The following HCN1 variants were observed in gnomAD, a reference collection of about 807,000 sequenced individuals.
HCN1 encodes potassium/sodium hyperpolarization-activated cyclic nucleotide-gated channel 1.
Under a neutral mutation model 78.9 loss-of-function variants are expected in HCN1, and 13 were observed. The ratio of observed to expected loss-of-function variants is 0.16; its 90% confidence interval spans 0.11 to 0.26. The LOEUF is 0.26. Ranked by LOEUF, HCN1 falls within the 10% of genes least tolerant of loss-of-function variation. HCN1 has a pLI of 1.00. For missense variants in HCN1, 810 were observed against 1,154.3 expected (o/e 0.70, Z 4.32); for synonymous variants, 552 against 455.5 (o/e 1.21, Z -2.70).
intron 4 of HCN1, among the ~76,000 whole-genome samples, chr5:45,360,237 T>A (rs889022626): frequency 6.6e-6 from 1 of 151,738 alleles, no homozygotes; most frequent in Admixed American, 6.6e-5. Context: ...GTATAAATTT[T>A]ATATTCCAGT....
intron 2 of HCN1, among the ~76,000 whole-genome samples, chr5:45,540,449 C>A: frequency 6.6e-6 from 1 of 151,962 alleles, no homozygotes. Context: ...CCAGCTCAGC[C>A]TCCCAAGTAG....
At chr5:45,363,349 A>C (rs1747164011) in intron 4 of HCN1, among the ~76,000 whole-genome samples, 1 of 151,348 alleles carries the variant, frequency 6.6e-6, no homozygotes, top group Non-Finnish European at 1.5e-5. Context: ...CTAGAGTTGC[A>C]TGGTCTTCTG....
At position 45,578,555 on chromosome 5, in the gene HCN1, A is replaced by C. The variant is rs79091696; in HGVS notation, c.849+66630T>G. Among the ~76,000 whole-genome samples, 784 of 152,178 alleles carry C rather than the reference A, an allele frequency of 5.2e-3. 5 individuals are homozygous for C. Among genetic ancestry groups the C allele is most frequent in the African/African-American group, 0.018 (747 of 41,554 alleles). ...ACATCTACAGTGTCACACTGTCTTT[A>C]AGCCAATTTTAGAGATTGCATGACT... On this transcript the variant is annotated intron_variant, in intron 2 of 7. Coordinates refer to ENST00000303230, the MANE Select transcript of HCN1 (RefSeq NM_021072.4).
At chr5:45,532,484 G>A (rs1742874168) in intron 2 of HCN1, among the ~76,000 whole-genome samples, 1 of 152,112 alleles carries the variant, frequency 6.6e-6, no homozygotes, top group African/African-American at 2.4e-5. Flanking sequence ...TATAACATAA[G>A]AATCATTTAC....
intron 4 of HCN1, among the ~76,000 whole-genome samples, chr5:45,373,196 T>C (rs1369000621): frequency 5.7e-5 from 7 of 122,906 alleles, no homozygotes; most frequent in East Asian, 4.5e-4. Flanking sequence ...ATATGTATTT[T>C]ATATATTTTA....
In HCN1 at chr5:45,455,116, C is replaced by T. The variant is rs1271445831; in HGVS notation, c.1011+6730G>A. Among the ~76,000 whole-genome samples the T allele has an allele frequency of 3.9e-5, 6 of 152,112 alleles. No individual in the cohort carries two copies. The East Asian group carries it at 1.2e-3, about 29-fold the overall frequency. ...AATCCACACAGGGCTACTACTAGAA[C>T]ACCACTGGATGAGTTAGAAAACAGA... On this transcript the variant is annotated intron_variant, in intron 3 of 7. Transcript: ENST00000303230.
chr5:45,268,693 C>T (rs1387185831), intron 6 of HCN1, among the ~76,000 whole-genome samples: 1 of 152,156 alleles, frequency 6.6e-6, no homozygotes, highest in Non-Finnish European at 1.5e-5. Context: ...ATCAATTATG[C>T]TGTTGTTCTT....
intron 4 of HCN1, among the ~76,000 whole-genome samples, chr5:45,378,978 T>A (rs958623919): frequency 1.6e-4 from 24 of 152,248 alleles, no homozygotes; most frequent in African/African-American, 5.8e-4. Context: ...TGCATAGTAT[T>A]CCATGGTGTA....
intron 2 of HCN1, among the ~76,000 whole-genome samples, chr5:45,606,815 A>G (rs1744735255): frequency 6.6e-6 from 1 of 152,084 alleles, no homozygotes; most frequent in Non-Finnish European, 1.5e-5. Context: ...TGTAAAGTTA[A>G]GGAGGATAAA....
At chr5:45,384,387 A>G (rs1747873952) in intron 4 of HCN1, among the ~76,000 whole-genome samples, 1 of 152,182 alleles carries the variant, frequency 6.6e-6, no homozygotes, top group Non-Finnish European at 1.5e-5. Flanking sequence ...TTCAAAGTTC[A>G]TACTATTTTA....
chr5:45,468,273 T>C (rs754627792), intron 2 of HCN1, among the ~76,000 whole-genome samples: 7 of 152,034 alleles, frequency 4.6e-5, no homozygotes, highest in South Asian at 4.1e-4. Context: ...GTGAAGAAAA[T>C]AGTACTTTTC....
In HCN1 at chr5:45,598,259, C is replaced by T. The variant is rs532290174; in HGVS notation, c.849+46926G>A. Among the ~76,000 whole-genome samples, 91 of 152,192 alleles carry T rather than the reference C, an allele frequency of 6.0e-4. 1 individual carries two copies. The Middle Eastern group carries it at 0.014, about 23-fold the overall frequency. On this transcript the variant is annotated intron_variant, in intron 2 of 7. Coordinates refer to ENST00000303230, the MANE Select transcript of HCN1 (RefSeq NM_021072.4). ...CACAACAGAGGCCTCAGAAATAAGA[C>T]CACGCATCTACAATCATCTGATCTT...
chr5:45,462,251 G>T (rs1438131503), intron 2 of HCN1, among the ~76,000 whole-genome samples: 1 of 152,026 alleles, frequency 6.6e-6, no homozygotes, highest in African/African-American at 2.4e-5. Context: ...ATATATAAAT[G>T]TATGTATTAA....
At chr5:45,414,728 A>C (rs1003752436) in intron 3 of HCN1, among the ~76,000 whole-genome samples, 4 of 152,000 alleles carry the variant, frequency 2.6e-5, no homozygotes, top group Admixed American at 6.6e-5. Context: ...GACAATTAAA[A>C]ATAATCTTTC....
At chr5:45,316,968 T>C (rs1746006591) in intron 5 of HCN1, among the ~76,000 whole-genome samples, 1 of 152,146 alleles carries the variant, frequency 6.6e-6, no homozygotes, top group Non-Finnish European at 1.5e-5. Flanking sequence ...AGAATCAATA[T>C]TGTGTAAATG....
At chr5:45,667,546 G>C (rs1267639413) in intron 1 of HCN1, among the ~76,000 whole-genome samples, 1 of 152,072 alleles carries the variant, frequency 6.6e-6, no homozygotes, top group Non-Finnish European at 1.5e-5. Flanking sequence ...CTATAGGTTT[G>C]GGAAAATATT....
intron 2 of HCN1, among the ~76,000 whole-genome samples, chr5:45,585,244 T>C (rs1435177426): frequency 6.6e-6 from 1 of 152,204 alleles, no homozygotes; most frequent in Non-Finnish European, 1.5e-5. Flanking sequence ...TTCTTTTTTC[T>C]CTAAACTTCT....
At chr5:45,540,234 T>C (rs1335070860) in intron 2 of HCN1, among the ~76,000 whole-genome samples, 1 of 151,926 alleles carries the variant, frequency 6.6e-6, no homozygotes, top group African/African-American at 2.4e-5. Flanking sequence ...GTATGAGTGA[T>C]TTTTTCCATG....
chr5:45,340,065 C>T (rs1038551244), intron 5 of HCN1, among the ~76,000 whole-genome samples: 1 of 151,998 alleles, frequency 6.6e-6, no homozygotes, highest in South Asian at 2.1e-4. Flanking sequence ...ATTACAGGTG[C>T]CCACCACCAC....
Sources: allele counts gnomAD v4.1 joint callset (sites outside exome capture counted in the v4.1 genomes callset), GRCh38; gene constraint gnomAD v4.1.1; transcripts MANE v1.5; gene names NCBI Gene and HGNC (gene_info 2026-07-23, HGNC 2026-07-21).